The following ODF2 variants were observed in gnomAD, a reference collection of about 807,000 sequenced individuals.
ODF2 encodes the protein outer dense fiber of sperm tails 2.
Under a neutral mutation model 110.2 loss-of-function variants are expected in ODF2, and 47 were observed. That is an observed-to-expected ratio of 0.43 (90% confidence interval 0.34 to 0.54). The LOEUF (loss-of-function observed/expected upper bound fraction) is 0.54, where lower values mean the gene tolerates loss of function less well. Ranked by LOEUF, ODF2 falls within the 20% of genes least tolerant of loss-of-function variation. The probability of loss-of-function intolerance (pLI) is 0.03; values close to 1 mark genes in which losing one functional copy is unlikely to be tolerated. For synonymous variants in ODF2, 352 were observed against 397.7 expected, an observed-to-expected ratio of 0.89 and a Z score of 1.37; for missense variants, 812 against 1,054.5, an observed-to-expected ratio of 0.77 and a Z score of 3.19.
At chr9:128,499,125 A>G in exon 20 of ODF2, 1 of 1,614,150 alleles carries the variant, frequency 6.2e-7, no homozygotes, top group South Asian at 1.1e-5. Flanking sequence ...AGCCGTGATG[A>G]TGTGAGTCAG....
At position 128,471,502 on chromosome 9, in the gene ODF2, A is replaced by G. The variant is rs760946953; in HGVS notation, c.581+34A>G. The G allele has an allele frequency of 2.5e-6, 4 of 1,600,750 alleles. No homozygotes were observed. In the African/African-American group the frequency reaches 4.0e-5, roughly 16 times the overall value. ...GCTCCTGCTCTGTCCCCGCTGATCT[A>G]TTCCTCCCTACCAGGCTGCCTTGAG... On this transcript the variant is annotated intron_variant, in intron 6 of 20. Transcript: ENST00000604420.
intron 2 of ODF2, among the ~76,000 whole-genome samples, chr9:128,458,074 G>A (rs1835400625): frequency 6.6e-6 from 1 of 151,900 alleles, no homozygotes; most frequent in Admixed American, 6.6e-5. Flanking sequence ...TTGTAAAGAG[G>A]GCAAGATGAT....
At chr9:128,495,500 G>A (rs143326279) in intron 17 of ODF2, among the ~76,000 whole-genome samples, 126 of 152,342 alleles carry the variant, frequency 8.3e-4, no homozygotes, top group African/African-American at 2.0e-3. Flanking sequence ...TGCCTTCTCC[G>A]TTGAACCTGA....
At chr9:128,474,109 T>C (rs1369433167) in intron 8 of ODF2, among the ~76,000 whole-genome samples, 4 of 152,140 alleles carry the variant, frequency 2.6e-5, no homozygotes, top group Admixed American at 1.3e-4. Context: ...TTTCTTAAAA[T>C]ATGTTCTCTG....
exon 2 of ODF2, chr9:128,457,406 A>C: frequency 3.1e-6 from 5 of 1,613,064 alleles, no homozygotes; most frequent in Non-Finnish European, 4.2e-6. Flanking sequence ...ATGCCTAGCC[A>C]TGTCTGCCTC....
At chr9:128,473,427 T>G (rs1449798417) in intron 7 of ODF2, 183 bp from the exon 8 acceptor site, 20 of 681,436 alleles carry the variant, frequency 2.9e-5, no homozygotes, top group Admixed American at 6.3e-5. Context: ...CGGAGCAGAC[T>G]TAGCTCCTGC....
intron 9 of ODF2, 69 bp from the exon 10 acceptor site, chr9:128,482,747 C>T: frequency 2.4e-6 from 3 of 1,252,234 alleles, no homozygotes; most frequent in Non-Finnish European, 3.4e-6. Context: ...ACTCACAAAT[C>T]TCTGTCCTCC....
At chr9:128,500,610 T>C (rs1000733138), downstream of ODF2, 4 of 173,856 alleles carry the variant, frequency 2.3e-5, no homozygotes, top group African/African-American at 2.4e-5. Flanking sequence ...ACAGCCCTCA[T>C]TGTTTTAGGA....
chr9:128,495,070 G>C (rs571768431), intron 17 of ODF2, among the ~76,000 whole-genome samples: 1 of 152,332 alleles, frequency 6.6e-6, no homozygotes, highest in Admixed American at 6.5e-5. Flanking sequence ...TGCACTGCCT[G>C]AGATTCTGTC....
At chr9:128,469,541 A>G (rs1419470884) in intron 5 of ODF2, 188 bp downstream of exon 5, 1 of 614,834 alleles carries the variant, frequency 1.6e-6, no homozygotes, top group Non-Finnish European at 2.9e-6. Flanking sequence ...CCCACCAACA[A>G]GGGCCCTCTC....
intron 5 of ODF2, among the ~76,000 whole-genome samples, chr9:128,470,962 G>T (rs1183048291): frequency 6.6e-6 from 1 of 151,236 alleles, no homozygotes; most frequent in Non-Finnish European, 1.5e-5. Flanking sequence ...GCCCAGGCTG[G>T]AGTGCAGTGG....
chr9:128,455,973 C>T, upstream of ODF2: 1 of 1,411,140 alleles, frequency 7.1e-7, no homozygotes. Flanking sequence ...TCCTTGGTGA[C>T]GGGACGCGTG....
intron 6 of ODF2, among the ~76,000 whole-genome samples, 196 bp from the exon 7 acceptor site, chr9:128,472,717 G>A (rs895160843): frequency 3.3e-5 from 5 of 152,216 alleles, no homozygotes; most frequent in African/African-American, 4.8e-5. Context: ...GGAGGCCCTG[G>A]TCTGGTGCCC....
rs749777237 is a variant in ODF2 at position 128,496,271 on chromosome 9, A to T, written c.2012+130A>T. 2.0e-6 allele frequency: 3 copies of T among 1,525,098 alleles called. No individual in the cohort carries two copies. The South Asian group carries it at 3.5e-5, about 18-fold the overall frequency. The allele number at this position is 1,525,098 out of a possible 1,614,324, so 94.5% of individuals were successfully genotyped here. On this transcript the variant is annotated intron_variant, in intron 18 of 20. Transcript: ENST00000604420. ...CCCTGGAAGGTACTAGGCAGACCTC[A>T]GAGGAAAAGCTGCTTCCATTTCAGT...
chr9:128,496,208 T>G, intron 18 of ODF2, 67 bp downstream of exon 18: 1 of 1,606,096 alleles, frequency 6.2e-7, no homozygotes, highest in Non-Finnish European at 8.5e-7. Context: ...ACTTAGCTGT[T>G]TTTTGCTTAG....
At chr9:128,490,173 A>T (rs1844249135) in intron 14 of ODF2, among the ~76,000 whole-genome samples, 1 of 152,206 alleles carries the variant, frequency 6.6e-6, no homozygotes, top group African/African-American at 2.4e-5. Flanking sequence ...CTACAAAAAA[A>T]TTTTAAAAGC....
intron 3 of ODF2, 64 bp downstream of exon 3, chr9:128,460,730 C>T: frequency 1.3e-6 from 2 of 1,590,246 alleles, no homozygotes; most frequent in Non-Finnish European, 1.7e-6. Context: ...TAAGCCCAGC[C>T]TCCTCGCACT....
intron 7 of ODF2, 43 bp downstream of exon 7, chr9:128,473,085 G>C: frequency 3.7e-6 from 6 of 1,612,008 alleles, no homozygotes; most frequent in Non-Finnish European, 5.1e-6. Context: ...AACTGGCCTC[G>C]GGAGGGGGCA....
At chr9:128,481,745 G>T in intron 9 of ODF2, 94 bp downstream of exon 9, 1 of 970,430 alleles carries the variant, frequency 1.0e-6, no homozygotes. Flanking sequence ...CAAGGCAGGA[G>T]GGCTGGAGCA....
Sources: gnomAD v4.1 joint callset for allele counts (sites outside exome capture counted in the v4.1 genomes callset) on GRCh38, gnomAD v4.1.1 for gene constraint, MANE v1.5 for transcripts, NCBI Gene and HGNC (gene_info 2026-07-23, HGNC 2026-07-21) for gene names.